The following BANK1 variants were observed in gnomAD, a reference collection of about 807,000 sequenced individuals.
The protein encoded by BANK1 is B-cell scaffold protein with ankyrin repeats.
Under a neutral mutation model 94.5 loss-of-function variants are expected in BANK1, and 95 were observed. That is an observed-to-expected ratio of 1.00 (90% CI 0.85 to 1.19). The LOEUF is 1.19. Ranked by LOEUF, BANK1 falls within the 50% of genes most tolerant of loss-of-function variation. BANK1 has a pLI of 0.00. For synonymous variants in BANK1, 334 were observed against 308.4 expected, an observed-to-expected ratio of 1.08 and a Z score of -0.87; for missense variants, 987 against 932.2, an observed-to-expected ratio of 1.06 and a Z score of -0.77.
At chr4:101,968,275 A>G (rs1724830173) in intron 7 of BANK1, among the ~76,000 whole-genome samples, 1 of 152,150 alleles carries the variant, frequency 6.6e-6, no homozygotes, top group Admixed American at 6.6e-5. Context: ...TAAAATAAAT[A>G]TATAAGGAAG....
chr4:101,855,645 T>A (rs1727652926), intron 3 of BANK1, among the ~76,000 whole-genome samples: 1 of 152,230 alleles, frequency 6.6e-6, no homozygotes, highest in Non-Finnish European at 1.5e-5. Context: ...GCTCTCAAGC[T>A]AGTCAAAAGA....
chr4:101,827,665 T>G (rs1241059327), intron 1 of BANK1, among the ~76,000 whole-genome samples: 2 of 151,946 alleles, frequency 1.3e-5, no homozygotes, highest in Non-Finnish European at 2.9e-5. Flanking sequence ...TTACTTTACT[T>G]TGGTTCTGCT....
At chr4:101,873,613 A>G (rs1728380860) in intron 5 of BANK1, among the ~76,000 whole-genome samples, 1 of 152,194 alleles carries the variant, frequency 6.6e-6, no homozygotes, top group East Asian at 1.9e-4. Flanking sequence ...AATGATGTCT[A>G]TTAGGTTTTA....
intron 5 of BANK1, among the ~76,000 whole-genome samples, chr4:101,871,555 G>A (rs1334973541): frequency 2.0e-5 from 3 of 151,888 alleles, no homozygotes; most frequent in Non-Finnish European, 4.4e-5. Flanking sequence ...TTATATGAAC[G>A]ACATATTTTA....
At chr4:101,918,315 C>A in intron 7 of BANK1, 126 bp downstream of exon 7, 1 of 482,694 alleles carries the variant, frequency 2.1e-6, no homozygotes, top group Non-Finnish European at 3.5e-6. Context: ...CTATTAGGCA[C>A]ATGAAAACAT....
At chr4:101,893,977 A>G (rs1340852059) in intron 5 of BANK1, among the ~76,000 whole-genome samples, 2 of 152,026 alleles carry the variant, frequency 1.3e-5, no homozygotes, top group Non-Finnish European at 2.9e-5. Flanking sequence ...TATGATACCT[A>G]CATGCCTATA....
intron 7 of BANK1, among the ~76,000 whole-genome samples, chr4:101,995,634 A>G (rs111904411): frequency 0.011 from 1,683 of 152,234 alleles, 19 homozygotes; most frequent in African/African-American, 0.038. Flanking sequence ...AATGATCTCC[A>G]TTCTAACTAG....
Position 101,918,025 on chromosome 4 carries a change from C to G in BANK1, c.1042C>G (p.His348Asp). 6.2e-7 allele frequency: 1 copy of G among 1,610,606 alleles called. No homozygotes were observed. Among genetic ancestry groups the G allele is most frequent in the Non-Finnish European group, 8.5e-7 (1 of 1,177,686 alleles). Residue 348 changes from histidine to aspartate, a missense_variant, in exon 7 of 17, where the codon CAC becomes GAC. Physicochemically the swap from His to Asp is moderately conservative, Grantham distance 81. Coordinates refer to ENST00000322953, the MANE Select transcript of BANK1 (RefSeq NM_017935.5). ...TTTCAAAGAACTTCCAACTCTTCTC[C>G]ACTGTGCAGCAAAATTTGGCTTAAA... ...THFKELPTLL[H>D]CAAKFGLKNL...
chr4:101,911,259 A>G (rs1722654021), intron 6 of BANK1, among the ~76,000 whole-genome samples: 1 of 152,212 alleles, frequency 6.6e-6, no homozygotes, highest in Non-Finnish European at 1.5e-5. Flanking sequence ...TGAAAAAGAA[A>G]GAGAACAGTC....
At chr4:101,850,853 A>G (rs894775922) in intron 2 of BANK1, among the ~76,000 whole-genome samples, 11 of 152,144 alleles carry the variant, frequency 7.2e-5, no homozygotes, top group African/African-American at 2.7e-4. Flanking sequence ...AAGACAGTGA[A>G]TTTAAGCAAT....
At chr4:102,031,806 C>T (rs796615056) in intron 10 of BANK1, among the ~76,000 whole-genome samples, 15 of 152,136 alleles carry the variant, frequency 9.9e-5, no homozygotes, top group Non-Finnish European at 1.5e-4. Context: ...CAAAAGAAAC[C>T]ATTCTGTTCC....
At chr4:102,049,572 T>C (rs566955936) in intron 11 of BANK1, among the ~76,000 whole-genome samples, 1 of 152,264 alleles carries the variant, frequency 6.6e-6, no homozygotes, top group African/African-American at 2.4e-5. Context: ...GCTCTCACTC[T>C]TAGAGGGCAA....
At chr4:101,964,845 A>G (rs1240774673) in intron 7 of BANK1, among the ~76,000 whole-genome samples, 1 of 151,390 alleles carries the variant, frequency 6.6e-6, no homozygotes, top group Non-Finnish European at 1.5e-5. Context: ...TACATGTGCC[A>G]TGCTGGTGTG....
chr4:101,913,394 G>T (rs750535970), intron 6 of BANK1, among the ~76,000 whole-genome samples: 1 of 152,062 alleles, frequency 6.6e-6, no homozygotes, highest in Non-Finnish European at 1.5e-5. Context: ...GAAAATAAAC[G>T]TATTTAAATA....
At chr4:102,007,099 T>TTATATATATATAAATATATATATAATA (rs1726303962) in intron 7 of BANK1, among the ~76,000 whole-genome samples, 1 of 70,546 alleles carries the variant, frequency 1.4e-5, no homozygotes, top group African/African-American at 4.6e-5. Context: ...TATAATATAT[T>TTATATATATATAAATATATATATAATA]TATATATATA....
intron 1 of BANK1, among the ~76,000 whole-genome samples, chr4:101,824,300 A>G (rs985740707): frequency 6.6e-6 from 1 of 152,198 alleles, no homozygotes; most frequent in Non-Finnish European, 1.5e-5. Flanking sequence ...AGTGGTCAAT[A>G]ATAACTGACC....
At chr4:101,828,383 T>TTATA (rs60877981) in intron 1 of BANK1, among the ~76,000 whole-genome samples, 1,424 of 142,102 alleles carry the variant, frequency 0.01, 9 homozygotes, top group Middle Eastern at 0.026. Context: ...ATGAGTGAAT[T>TTATA]TATATATATA....
chr4:101,950,018 GGTGTGTGTGTGTGT>G (rs6148602), intron 7 of BANK1, among the ~76,000 whole-genome samples: 44 of 149,398 alleles, frequency 2.9e-4, no homozygotes, highest in African/African-American at 9.2e-4. Flanking sequence ...GGAAGTAAGG[GGTGTGTGTGTGTGT>G]GTGTGTGTGT....
chr4:102,048,292 A>G (rs1452645790), intron 11 of BANK1, among the ~76,000 whole-genome samples: 2 of 152,154 alleles, frequency 1.3e-5, no homozygotes, highest in African/African-American at 2.4e-5. Context: ...CCTGATGACT[A>G]TAGTGTGCAG....
Sources: gnomAD v4.1 joint callset for allele counts (sites outside exome capture counted in the v4.1 genomes callset) on GRCh38, gnomAD v4.1.1 for gene constraint, MANE v1.5 for transcripts, NCBI Gene and HGNC (gene_info 2026-07-23, HGNC 2026-07-21) for gene names.